The following OXR1 variants were observed in gnomAD, a reference collection of about 807,000 sequenced individuals.
The protein encoded by OXR1 is oxidation resistance protein 1.
Under a neutral mutation model 104.6 loss-of-function variants are expected in OXR1, and 41 were observed. That is an observed-to-expected ratio of 0.39 (90% CI 0.31 to 0.51). The LOEUF is 0.51. OXR1 is among the 20% of genes least tolerant of loss of function. OXR1 has a pLI of 0.77. For synonymous variants in OXR1, 348 were observed against 348.4 expected, an observed-to-expected ratio of 1.00 and a Z score of 0.01; for missense variants, 955 against 1,031.9, an observed-to-expected ratio of 0.93 and a Z score of 1.02.
chr8:106,516,561 G>A (rs1056851875), intron 2 of OXR1, among the ~76,000 whole-genome samples: 5 of 152,146 alleles, frequency 3.3e-5, no homozygotes, highest in Non-Finnish European at 7.4e-5. Flanking sequence ...TGGAAAAAAA[G>A]GGTTGTTCAT....
intron 1 of OXR1, among the ~76,000 whole-genome samples, chr8:106,274,445 A>G (rs1336143511): frequency 1.3e-5 from 2 of 152,154 alleles, no homozygotes; most frequent in African/African-American, 4.8e-5. Context: ...GGTTTGTTTC[A>G]GAATTCATTC....
intron 3 of OXR1, among the ~76,000 whole-genome samples, chr8:106,570,717 G>A (rs768111336): frequency 1.3e-5 from 2 of 152,028 alleles, no homozygotes; most frequent in Admixed American, 6.6e-5. Context: ...CTACCTCATT[G>A]TCCCCAGATG....
At chr8:106,652,252 G>C (rs1332215745) in intron 3 of OXR1, among the ~76,000 whole-genome samples, 1 of 152,060 alleles carries the variant, frequency 6.6e-6, no homozygotes, top group African/African-American at 2.4e-5. Flanking sequence ...TGCTGAGAGT[G>C]AGCTTGGGTA....
intron 2 of OXR1, among the ~76,000 whole-genome samples, chr8:106,469,298 A>G (rs1308954240): frequency 6.6e-6 from 1 of 151,764 alleles, no homozygotes; most frequent in East Asian, 1.9e-4. Context: ...CCCAGTTTGA[A>G]TGCATGAGAA....
intron 2 of OXR1, among the ~76,000 whole-genome samples, chr8:106,461,140 T>A (rs969836155): frequency 2.0e-5 from 3 of 152,026 alleles, no homozygotes; most frequent in African/African-American, 7.2e-5. Flanking sequence ...GGGCTAGTGG[T>A]TTGAGATTAC....
Position 106,309,750 on chromosome 8 carries a change from T to C in OXR1, c.-139+39383T>C, listed in dbSNP as rs180966957. ...AAACCAATAGCTTTGCTGCTTTAAATCTAAATTTTAAAATAAAAATATATA... is the reference window on the plus strand; with the variant it reads ...AAACCAATAGCTTTGCTGCTTTAAACCTAAATTTTAAAATAAAAATATATA... On this transcript the variant is annotated intron_variant, in intron 1 of 16. Coordinates refer to ENST00000517566, the MANE Select transcript of OXR1 (RefSeq NM_001198533.2). Among the ~76,000 whole-genome samples the C allele has an allele frequency of 3.3e-5, 5 of 150,944 alleles. No individual in the cohort carries two copies. In the East Asian group the frequency reaches 9.7e-4, roughly 29 times the overall value.
intron 3 of OXR1, among the ~76,000 whole-genome samples, chr8:106,582,177 CATATAT>C (rs71562108): frequency 1.6e-4 from 19 of 119,348 alleles, no homozygotes; most frequent in Admixed American, 3.3e-4. Flanking sequence ...TTTCTATTGA[CATATAT>C]ATATATATAT....
At chr8:106,643,065 T>G (rs1823791371) in intron 3 of OXR1, among the ~76,000 whole-genome samples, 1 of 152,216 alleles carries the variant, frequency 6.6e-6, no homozygotes, top group African/African-American at 2.4e-5. Context: ...ATTAAATATT[T>G]TTATGAACAA....
chr8:106,598,003 T>G (rs1444803651), intron 3 of OXR1, among the ~76,000 whole-genome samples: 1 of 152,204 alleles, frequency 6.6e-6, no homozygotes, highest in Non-Finnish European at 1.5e-5. Flanking sequence ...CACTTGGGCA[T>G]CATTTATTTC....
intron 2 of OXR1, among the ~76,000 whole-genome samples, chr8:106,367,496 C>A (rs1261186571): frequency 6.6e-6 from 1 of 151,934 alleles, no homozygotes; most frequent in African/African-American, 2.4e-5. Flanking sequence ...TCTAAACAGG[C>A]AGTATATTAT....
intron 2 of OXR1, among the ~76,000 whole-genome samples, chr8:106,506,620 A>G (rs1812185429): frequency 6.6e-6 from 1 of 151,760 alleles, no homozygotes; most frequent in Non-Finnish European, 1.5e-5. Flanking sequence ...CAAAAAGAAA[A>G]AAAGAGTCTT....
chr8:106,339,550 AT>A (rs1815150635), intron 1 of OXR1, among the ~76,000 whole-genome samples: 1 of 129,598 alleles, frequency 7.7e-6, no homozygotes, highest in Non-Finnish European at 1.6e-5. Flanking sequence ...ATATATATAT[AT>A]ATATAAAACG....
At chr8:106,321,741 G>A (rs569214990) in intron 1 of OXR1, among the ~76,000 whole-genome samples, 107 of 152,182 alleles carry the variant, frequency 7.0e-4, no homozygotes, top group South Asian at 1.0e-3. Flanking sequence ...TTCATAAGGC[G>A]GTATTTTCTA....
At chr8:106,413,413 G>A (rs529792307) in intron 2 of OXR1, among the ~76,000 whole-genome samples, 1 of 152,214 alleles carries the variant, frequency 6.6e-6, no homozygotes, top group African/African-American at 2.4e-5. Context: ...AGACATCAAT[G>A]TCTTTTGAGC....
At chr8:106,501,584 A>G (rs1365593288) in intron 2 of OXR1, among the ~76,000 whole-genome samples, 1 of 152,232 alleles carries the variant, frequency 6.6e-6, no homozygotes, top group Non-Finnish European at 1.5e-5. Flanking sequence ...CAAAAGAGGA[A>G]AAGTGGGTTA....
At chr8:106,291,236 G>A (rs1812738015) in intron 1 of OXR1, among the ~76,000 whole-genome samples, 1 of 152,096 alleles carries the variant, frequency 6.6e-6, no homozygotes, top group Admixed American at 6.6e-5. Flanking sequence ...GCTAAATATT[G>A]AGAACACATG....
At chr8:106,431,841 G>T (rs1311095391) in intron 2 of OXR1, among the ~76,000 whole-genome samples, 1 of 152,060 alleles carries the variant, frequency 6.6e-6, no homozygotes, top group African/African-American at 2.4e-5. Flanking sequence ...TATTACAAAG[G>T]TAATAAAGCA....
chr8:106,639,767 GA>G (rs1374997032), intron 3 of OXR1, among the ~76,000 whole-genome samples: 1 of 152,124 alleles, frequency 6.6e-6, no homozygotes, highest in African/African-American at 2.4e-5. Context: ...ATAAACTATT[GA>G]TTAATGCTTT....
chr8:106,353,969 C>T (rs1815851032), intron 1 of OXR1, among the ~76,000 whole-genome samples: 1 of 151,906 alleles, frequency 6.6e-6, no homozygotes, highest in South Asian at 2.1e-4. Flanking sequence ...GTAGATCTCA[C>T]ATATGACTGA....
Sources: gnomAD v4.1 joint callset for allele counts (sites outside exome capture counted in the v4.1 genomes callset) on GRCh38, gnomAD v4.1.1 for gene constraint, MANE v1.5 for transcripts, NCBI Gene and HGNC (gene_info 2026-07-23, HGNC 2026-07-21) for gene names.